ADAMTSL3: variants seen among roughly 807,000 people sequenced by gnomAD.
ADAMTSL3 encodes the protein ADAMTS like 3.
ADAMTSL3 carries 128 observed loss-of-function variants against 201.7 expected under a neutral mutation model. The observed-to-expected ratio is 0.63, with a 90% CI of 0.55 to 0.73. ADAMTSL3 has a LOEUF of 0.73. Among genes scored for constraint, ADAMTSL3 ranks in the 30% least tolerant of loss-of-function variants. The probability of loss-of-function intolerance (pLI) is 0.00; values close to 1 mark genes in which losing one functional copy is unlikely to be tolerated. For synonymous variants in ADAMTSL3, 738 were observed against 748.4 expected (o/e 0.99, Z 0.23); for missense variants, 1,990 against 2,119.6 (o/e 0.94, Z 1.20).
intron 19 of ADAMTSL3, among the ~76,000 whole-genome samples, chr15:83,955,455 C>T (rs1351700176): frequency 1.3e-5 from 2 of 152,076 alleles, no homozygotes; most frequent in Non-Finnish European, 2.9e-5. Context: ...GAAATGCTGT[C>T]CGAAAGCCTA....
chr15:83,655,868 A>C, intron 2 of ADAMTSL3, 38 bp downstream of exon 2: 1 of 1,591,116 alleles, frequency 6.3e-7, no homozygotes, highest in Non-Finnish European at 8.6e-7. Context: ...AATGGTGGAC[A>C]TCCCTCTGTT....
At chr15:83,741,004 A>G (rs2062445756) in intron 3 of ADAMTSL3, among the ~76,000 whole-genome samples, 1 of 152,070 alleles carries the variant, frequency 6.6e-6, no homozygotes, top group Non-Finnish European at 1.5e-5. Context: ...GTGAATTGTA[A>G]CAAGCATTCA....
Position 84,021,433 on chromosome 15 carries a change from T to C in ADAMTSL3, c.4297T>C (p.Trp1433Arg). The C allele has an allele frequency of 6.2e-7, 1 of 1,614,152 alleles. No individual in the cohort carries two copies. The highest frequency in any genetic ancestry group is 8.5e-7 in the Non-Finnish European group (1 of 1,180,018). Residue 1433 changes from tryptophan (W) to arginine (R), a missense_variant, in exon 26 of 30, where the codon TGG becomes CGG. Physicochemically the swap from Trp to Arg is moderately radical, Grantham distance 101. Transcript: ENST00000286744. ...AGAGCCTTTTTGGGAGCCTGGTAAC[T>C]GGTCACATTGTTCTGCCACCTGTGG... The part of the protein sequence containing the change: ...PQEPFWEPGN[W>R]SHCSATCGHL...
At chr15:83,934,963 C>T (rs940110568) in intron 17 of ADAMTSL3, among the ~76,000 whole-genome samples, 16 of 152,108 alleles carry the variant, frequency 1.1e-4, no homozygotes, top group Non-Finnish European at 2.1e-4. Flanking sequence ...TCAAATTTCA[C>T]ATGTTCTCAC....
intron 6 of ADAMTSL3, among the ~76,000 whole-genome samples, chr15:83,831,894 C>A (rs79136446): frequency 0.02 from 3,040 of 152,178 alleles, 96 homozygotes; most frequent in African/African-American, 0.068. Flanking sequence ...TCCATGAATG[C>A]GCAAGGATAT....
At chr15:83,687,972 C>T (rs2061560424) in intron 2 of ADAMTSL3, among the ~76,000 whole-genome samples, 1 of 152,192 alleles carries the variant, frequency 6.6e-6, no homozygotes, top group African/African-American at 2.4e-5. Context: ...GAGGAAATAC[C>T]ATCTAACACA....
chr15:84,002,955 T>TG (rs11427248), intron 23 of ADAMTSL3, among the ~76,000 whole-genome samples: 6 of 146,046 alleles, frequency 4.1e-5, no homozygotes, highest in African/African-American at 1.5e-4. Context: ...TTTTTTTTTT[T>TG]GGCTTAGAGA....
At chr15:83,663,528 T>G (rs2141367129) in intron 2 of ADAMTSL3, among the ~76,000 whole-genome samples, 1 of 152,360 alleles carries the variant, frequency 6.6e-6, no homozygotes, top group African/African-American at 2.4e-5. Context: ...ACTTGAGTAT[T>G]TCCTTAGAAT....
intron 3 of ADAMTSL3, among the ~76,000 whole-genome samples, chr15:83,721,678 A>C (rs1265457302): frequency 1.3e-5 from 2 of 152,148 alleles, no homozygotes; most frequent in Non-Finnish European, 2.9e-5. Flanking sequence ...CTTCTGAAGT[A>C]GATTTACAAC....
At chr15:83,886,961 G>A (rs754356109) in intron 10 of ADAMTSL3, among the ~76,000 whole-genome samples, 17 of 152,198 alleles carry the variant, frequency 1.1e-4, no homozygotes, top group Admixed American at 4.6e-4. Flanking sequence ...AATCTCCCCA[G>A]TTCGCCAGCT....
chr15:83,794,184 G>A (rs2063387584), intron 4 of ADAMTSL3, among the ~76,000 whole-genome samples: 1 of 152,222 alleles, frequency 6.6e-6, no homozygotes, highest in African/African-American at 2.4e-5. Context: ...TGCAGAGGAA[G>A]AGTGTTACTC....
In ADAMTSL3 at chr15:83,988,827, C is replaced by T; in HGVS notation, c.3844+9C>T. On this transcript the variant is annotated intron_variant, in intron 22 of 29. Transcript: ENST00000286744. ...TTCTGTGCTGTATGCAGGTAATGCC[C>T]ACTGTTGAAATCTAGAATGCCTGGT... 1.4e-6 allele frequency: 2 copies of T among 1,442,508 alleles called. No individual in the cohort carries two copies. The highest frequency in any genetic ancestry group is 1.8e-5 in the South Asian group (1 of 54,656). 89.4% of individuals were successfully genotyped at this position (1,442,508 alleles called of 1,614,324 possible).
chr15:83,961,866 A>T (rs2066976835), intron 19 of ADAMTSL3: 1 of 152,256 alleles, frequency 6.6e-6, no homozygotes, highest in Non-Finnish European at 1.5e-5. Flanking sequence ...ATTATATTAT[A>T]GAACATAACA....
chr15:83,753,978 CA>C (rs1007752900), intron 3 of ADAMTSL3, among the ~76,000 whole-genome samples: 15 of 152,168 alleles, frequency 9.9e-5, no homozygotes, highest in Non-Finnish European at 1.9e-4. Context: ...TTTTTATCTT[CA>C]TAAGTCATCA....
At chr15:83,803,556 T>C (rs148559934) in intron 4 of ADAMTSL3, among the ~76,000 whole-genome samples, 4 of 152,248 alleles carry the variant, frequency 2.6e-5, no homozygotes, top group Non-Finnish European at 5.9e-5. Context: ...TGTAACTCCA[T>C]TGAAAAATTA....
At chr15:83,988,882 TA>T (rs1488449840) in intron 22 of ADAMTSL3, 64 bp downstream of exon 22, 703 of 1,046,362 alleles carry the variant, frequency 6.7e-4, no homozygotes, top group Non-Finnish European at 7.9e-4. Flanking sequence ...TTTATTTATT[TA>T]TTTATTTTTT....
At chr15:83,854,376 G>T (rs1439392960) in intron 7 of ADAMTSL3, among the ~76,000 whole-genome samples, 1 of 152,106 alleles carries the variant, frequency 6.6e-6, no homozygotes. Context: ...CGTAATTCCT[G>T]TGAATTGATC....
intron 5 of ADAMTSL3, among the ~76,000 whole-genome samples, chr15:83,804,980 A>G (rs2063580327): frequency 6.6e-6 from 1 of 152,170 alleles, no homozygotes; most frequent in Non-Finnish European, 1.5e-5. Context: ...GAATGCTTTT[A>G]TGTTCATTAT....
chr15:83,819,604 T>C (rs1181836811), intron 5 of ADAMTSL3, among the ~76,000 whole-genome samples: 2 of 147,856 alleles, frequency 1.4e-5, no homozygotes, highest in Admixed American at 1.4e-4. Context: ...ATCTCCTGTA[T>C]AAATAATTAT....
Sources: gnomAD v4.1 joint callset for allele counts (sites outside exome capture counted in the v4.1 genomes callset) on GRCh38, gnomAD v4.1.1 for gene constraint, MANE v1.5 for transcripts, NCBI Gene and HGNC (gene_info 2026-07-23, HGNC 2026-07-21) for gene names.